Variants in PLXNA4 observed in about 807,000 individuals in gnomAD.
The protein encoded by PLXNA4 is plexin A4, also known as plexin-A4.
A neutral mutation model predicts 191.8 loss-of-function variants in PLXNA4; 44 were observed. The ratio of observed to expected loss-of-function variants is 0.23; its 90% CI spans 0.18 to 0.29. The LOEUF (loss-of-function observed/expected upper bound fraction) is 0.29. Among genes scored for constraint, PLXNA4 ranks in the 10% least tolerant of loss-of-function variants. The probability of loss-of-function intolerance (pLI) is 1.00; values close to 1 mark genes in which losing one functional copy is unlikely to be tolerated. For missense variants in PLXNA4, 1,800 were observed against 2,488.8 expected (o/e 0.72, Z 5.89); for synonymous variants, 1,082 against 1,009.5 (o/e 1.07, Z -1.36).
intron 24 of PLXNA4, among the ~76,000 whole-genome samples, chr7:132,161,320 G>T (rs1180798057): frequency 6.6e-6 from 1 of 152,212 alleles, no homozygotes; most frequent in African/African-American, 2.4e-5. Context: ...TGCACTTCAG[G>T]GCAGGAGTTG....
At chr7:132,250,284 C>T (rs780877897) in intron 4 of PLXNA4, among the ~76,000 whole-genome samples, 22 of 152,216 alleles carry the variant, frequency 1.4e-4, no homozygotes, top group Non-Finnish European at 2.6e-4. Flanking sequence ...GCGAAGTCAT[C>T]TCTCTTCACT....
chr7:132,283,258 A>G (rs1191462838), intron 4 of PLXNA4, among the ~76,000 whole-genome samples: 1 of 152,244 alleles, frequency 6.6e-6, no homozygotes, highest in African/African-American at 2.4e-5. Context: ...GAGAAGATGC[A>G]AAGTGATACA....
intron 3 of PLXNA4, among the ~76,000 whole-genome samples, chr7:132,422,787 A>G (rs975659007): frequency 6.6e-6 from 1 of 152,232 alleles, no homozygotes; most frequent in Non-Finnish European, 1.5e-5. Flanking sequence ...CTTAATCCTC[A>G]TAATATCCCT....
intron 8 of PLXNA4, 86 bp from the exon 9 acceptor site, chr7:132,223,727 A>G (rs1365947868): frequency 1.4e-5 from 14 of 1,019,896 alleles, no homozygotes; most frequent in Non-Finnish European, 2.1e-5. Flanking sequence ...CTAGCAAAAC[A>G]TTTTTAGTAT....
intron 4 of PLXNA4, among the ~76,000 whole-genome samples, chr7:132,242,744 T>C (rs1562987640): frequency 6.6e-6 from 1 of 152,222 alleles, no homozygotes; most frequent in South Asian, 2.1e-4. Flanking sequence ...TTTTCTTTTA[T>C]TACTGCTCAT....
chr7:132,334,252 C>CTTTTTTTTTTTTTTTT (rs71529758), intron 3 of PLXNA4, among the ~76,000 whole-genome samples: 10 of 75,604 alleles, frequency 1.3e-4, no homozygotes, highest in African/African-American at 2.4e-4. Context: ...TTCTTTCTTT[C>CTTTTTTTTTTTTTTTT]TTTTTTTTTT....
intron 3 of PLXNA4, among the ~76,000 whole-genome samples, chr7:132,323,486 A>G (rs1216051049): frequency 6.6e-6 from 1 of 152,198 alleles, no homozygotes; most frequent in East Asian, 1.9e-4. Flanking sequence ...ACCCCAACCC[A>G]GGAGGCCTGA....
chr7:132,600,759 T>C (rs1052184458), intron 2 of PLXNA4, among the ~76,000 whole-genome samples: 18 of 152,180 alleles, frequency 1.2e-4, no homozygotes, highest in African/African-American at 4.1e-4. Flanking sequence ...TTCATAACAC[T>C]CTTATTATTT....
intron 2 of PLXNA4, among the ~76,000 whole-genome samples, chr7:132,634,762 C>A (rs1173349382): frequency 6.6e-6 from 1 of 152,174 alleles, no homozygotes; most frequent in Non-Finnish European, 1.5e-5. Context: ...CGTGGATGTG[C>A]CTGCATGCCT....
chr7:132,163,826 G>C (rs1255138926), intron 24 of PLXNA4, among the ~76,000 whole-genome samples: 1 of 152,196 alleles, frequency 6.6e-6, no homozygotes, highest in African/African-American at 2.4e-5. Context: ...ACTCTAAGCT[G>C]GGAGGACAGA....
intron 3 of PLXNA4, chr7:132,383,487 T>C (rs1376422650): frequency 1.2e-6 from 1 of 842,674 alleles, no homozygotes; most frequent in Admixed American, 6.2e-5. Context: ...CAACTACTGT[T>C]AGCATTTTGA....
chr7:132,460,703 C>T (rs1796474246), intron 3 of PLXNA4, among the ~76,000 whole-genome samples: 1 of 152,176 alleles, frequency 6.6e-6, no homozygotes, highest in African/African-American at 2.4e-5. Context: ...TTCTCCCTGT[C>T]TTTCCTTTAC....
At chr7:132,186,292 C>T (rs1437157419) in intron 15 of PLXNA4, among the ~76,000 whole-genome samples, 1 of 152,210 alleles carries the variant, frequency 6.6e-6, no homozygotes, top group Non-Finnish European at 1.5e-5. Context: ...GTAGGCTCAA[C>T]CTCAACCACT....
chr7:132,259,390 G>A (rs1799542067), intron 4 of PLXNA4, among the ~76,000 whole-genome samples: 1 of 120,644 alleles, frequency 8.3e-6, no homozygotes, highest in African/African-American at 3.2e-5. Flanking sequence ...GAGCCAAGAT[G>A]GTGTCACTGC....
intron 3 of PLXNA4, among the ~76,000 whole-genome samples, chr7:132,486,843 C>T (rs1235096188): frequency 6.6e-6 from 1 of 152,202 alleles, no homozygotes; most frequent in Non-Finnish European, 1.5e-5. Context: ...GACTGCTGGA[C>T]TCTGTCCTTA....
chr7:132,166,146 A>G (rs567110926), intron 22 of PLXNA4, among the ~76,000 whole-genome samples: 19 of 151,964 alleles, frequency 1.3e-4, no homozygotes, highest in Admixed American at 5.2e-4. Flanking sequence ...GCAGTGAGCC[A>G]AGATCTTGCC....
intron 12 of PLXNA4, among the ~76,000 whole-genome samples, chr7:132,201,489 C>T (rs752598753): frequency 2.6e-5 from 4 of 152,154 alleles, no homozygotes; most frequent in Middle Eastern, 3.2e-3. Flanking sequence ...GCACAAAGCC[C>T]GGTACCAGTT....
intron 3 of PLXNA4, among the ~76,000 whole-genome samples, chr7:132,317,325 G>T (rs1042304692): frequency 6.6e-6 from 1 of 151,836 alleles, no homozygotes; most frequent in Non-Finnish European, 1.5e-5. Flanking sequence ...GGATTGAGTT[G>T]GGTTGGGTTG....
intron 3 of PLXNA4, among the ~76,000 whole-genome samples, chr7:132,454,121 T>C (rs755107905): frequency 6.6e-6 from 1 of 152,232 alleles, no homozygotes; most frequent in Admixed American, 6.5e-5. Context: ...GCAACAATGC[T>C]GTCAATGAAA....
Sources: gnomAD v4.1 joint callset for allele counts (sites outside exome capture counted in the v4.1 genomes callset) on GRCh38, gnomAD v4.1.1 for gene constraint, MANE v1.5 for transcripts, NCBI Gene and HGNC (gene_info 2026-07-23, HGNC 2026-07-21) for gene names.